The following G6PC2 variants were observed in gnomAD, a reference collection of about 807,000 sequenced individuals.
G6PC2 encodes the protein glucose-6-phosphatase catalytic subunit 2, also known as glucose-6-phosphatase 2.
A neutral mutation model predicts 35.4 loss-of-function variants in G6PC2; 41 were observed. The observed-to-expected ratio is 1.16, with a 90% CI of 0.90 to 1.50. The LOEUF (loss-of-function observed/expected upper bound fraction) is 1.50, where lower values mean the gene tolerates loss of function less well. Among genes scored for constraint, G6PC2 ranks in the 40% most tolerant of loss-of-function variants. G6PC2 has a pLI of 0.00. For synonymous variants in G6PC2, 165 were observed against 153.2 expected, an observed-to-expected ratio of 1.08 and a Z score of -0.57; for missense variants, 441 against 426.5, an observed-to-expected ratio of 1.03 and a Z score of -0.30.
intron 1 of G6PC2, 74 bp from the exon 2 acceptor site, chr2:168,902,371 G>A (rs1240352743): frequency 2.7e-6 from 2 of 747,892 alleles, no homozygotes; most frequent in East Asian, 5.3e-5. Context: ...TTATAGGAAA[G>A]AATTGCTAAT....
intron 2 of G6PC2, chr2:168,902,900 G>C (rs1157335824): frequency 6.2e-6 from 2 of 323,352 alleles, no homozygotes; most frequent in East Asian, 7.8e-5. Context: ...AGAAATGTTG[G>C]TTAATCTGCT....
At chr2:168,902,719 C>CAA (rs59340389) in intron 2 of G6PC2, among the ~76,000 whole-genome samples, 165 bp downstream of exon 2, 1 of 151,092 alleles carries the variant, frequency 6.6e-6, no homozygotes. Flanking sequence ...GGAAGCAAAG[C>CAA]AAAAAAAATA....
rs941915683 is a variant in G6PC2 at position 168,908,593 on chromosome 2, A to C, written c.*514A>C. On this transcript the variant is annotated 3_prime_UTR_variant, in exon 5 of 5. Coordinates refer to ENST00000375363, the MANE Select transcript of G6PC2 (RefSeq NM_021176.3). Reference sequence around the variant, plus strand: ...TATTTAGGTAAAAGAACTTGCCTGGAGTCACGCCACCTTCAGAGCAGGAAT... The same window carrying C: ...TATTTAGGTAAAAGAACTTGCCTGGCGTCACGCCACCTTCAGAGCAGGAAT... The C allele has an allele frequency of 5.1e-6, 1 of 196,292 alleles. No individual in the cohort carries two copies. 12.2% of individuals were successfully genotyped at this position (196,292 alleles called of 1,614,324 possible).
At chr2:168,904,392 G>C in intron 2 of G6PC2, 113 bp from the exon 3 acceptor site, 2 of 775,384 alleles carry the variant, frequency 2.6e-6, no homozygotes, top group South Asian at 2.7e-5. Context: ...CCTGTGTCTT[G>C]TCTTTTTTTC....
In G6PC2 at chr2:168,902,486, C is replaced by T; in HGVS notation, c.260C>T (p.Thr87Ile). Reference protein sequence around the residue: ...GHRPYWWVQETQIYPNHSSPC... With the variant: ...GHRPYWWVQEIQIYPNHSSPC... ...CGACCTTACTGGTGGGTCCAAGAAA[C>T]TCAGATTTACCCAAATCACTCAAGT... Residue 87 changes from threonine to isoleucine, a missense_variant, in exon 2 of 5, where the codon ACT (threonine) becomes ATT (isoleucine). By Grantham distance (89) the Thr-to-Ile change is moderately conservative. Transcript: ENST00000375363. 1 of 1,582,662 alleles carries T rather than the reference C, an allele frequency of 6.3e-7. No homozygotes were observed. Among genetic ancestry groups the T allele is most frequent in the East Asian group, 2.2e-5 (1 of 44,710 alleles).
At position 168,909,536 on chromosome 2, in the gene G6PC2, A is replaced by G. The variant is rs995358783; in HGVS notation, c.*1457A>G. 6.6e-6 allele frequency: 1 copy of G among 152,180 alleles called. No individual in the cohort carries two copies. The highest frequency in any genetic ancestry group is 1.5e-5 in the Non-Finnish European group (1 of 68,044). The allele number at this position is 152,180 out of a possible 1,614,324, so 9.4% of individuals were successfully genotyped here. A position where few individuals can be genotyped will look rare whatever the true frequency, so the allele number is the denominator to read the frequency against. On this transcript the variant is annotated 3_prime_UTR_variant, in exon 5 of 5. Coordinates refer to ENST00000375363, the MANE Select transcript of G6PC2 (RefSeq NM_021176.3). ...GTATACTGAACTGTGATGAAAATCT[A>G]TAGCTTTGTTTTAGAAAATTATTGT...
In G6PC2 at chr2:168,907,633, C is replaced by T. The variant is rs112063031; in HGVS notation, c.622C>T (p.Leu208=). 6.8e-6 allele frequency: 11 copies of T among 1,613,696 alleles called. No individual in the cohort carries two copies. The African/African-American group carries it at 1.5e-4, about 22-fold the overall frequency. Residue 208 remains leucine (L), a synonymous_variant, in exon 5 of 5, where the codon CTG becomes TTG. Transcript: ENST00000375363. ...CCAAACGGCCAGTCTGGGCACATACCTGAAGACCAACCTCTTTCTCTTCCT... is the reference window on the plus strand; with the variant it reads ...CCAAACGGCCAGTCTGGGCACATACTTGAAGACCAACCTCTTTCTCTTCCT... ...GIQTASLGTY[L]KTNLFLFLFA... is the part of the protein sequence containing the mutation.
chr2:168,902,984 G>GT (rs1690631770), intron 2 of G6PC2: 2 of 232,204 alleles, frequency 8.6e-6, no homozygotes, highest in Non-Finnish European at 1.7e-5. Flanking sequence ...CAAGTCTTCT[G>GT]TAAGAAAGGT....
chr2:168,904,167 C>G (rs1690658945), intron 2 of G6PC2, among the ~76,000 whole-genome samples: 1 of 152,020 alleles, frequency 6.6e-6, no homozygotes, highest in African/African-American at 2.4e-5. Flanking sequence ...AATACTTTTG[C>G]TTGTCAATTA....
chr2:168,901,385 C>A lies in G6PC2; in HGVS notation c.54C>A (p.Asp18Glu), dbSNP rs759777262. ...GVLIIQHLQKDYRAYYTFLNF... is the reference protein window; with the variant it reads ...GVLIIQHLQKEYRAYYTFLNF... ...TCATAATTCAGCATTTGCAGAAGGACTACCGAGCTTACTACACTTTTCTAA... is the reference window on the plus strand; with the variant it reads ...TCATAATTCAGCATTTGCAGAAGGAATACCGAGCTTACTACACTTTTCTAA... The change falls in exon 1 of 5, where the codon GAC (aspartate) becomes GAA (glutamate). Residue 18 changes from aspartate to glutamate, a missense_variant. Physicochemically the swap from Asp to Glu is conservative, Grantham distance 45. Transcript: ENST00000375363. 4 of 1,606,084 alleles carry A rather than the reference C, an allele frequency of 2.5e-6. No individual in the cohort carries two copies. The highest frequency in any genetic ancestry group is 3.4e-6 in the Non-Finnish European group (4 of 1,172,674).
chr2:168,908,251 T>C lies in G6PC2; in HGVS notation c.*172T>C. ...TGGCCTTCGCACTGGTCTTTTTTTT[T>C]AATCCTTCAGTTACCAATATTTAGA... On this transcript the variant is annotated 3_prime_UTR_variant, in exon 5 of 5. Coordinates refer to ENST00000375363, the MANE Select transcript of G6PC2 (RefSeq NM_021176.3). 1.6e-6 allele frequency: 1 copy of C among 624,122 alleles called. No individual in the cohort carries two copies. Among genetic ancestry groups the C allele is most frequent in the Non-Finnish European group, 2.8e-6 (1 of 352,582 alleles). 38.7% of individuals were successfully genotyped at this position (624,122 alleles called of 1,614,324 possible).
rs776320333 is a variant in G6PC2 at position 168,908,005 on chromosome 2, C to T, written c.994C>T (p.Pro332Ser). The T allele has an allele frequency of 6.2e-7, 1 of 1,611,856 alleles. No homozygotes were observed. The highest frequency in any genetic ancestry group is 8.5e-7 in the Non-Finnish European group (1 of 1,178,032). ...GTCTTTTTGTAAAAGTGCATCCATT[C>T]CCCTAACTGTGGTTGCTTTCATTCC... is the stretch of plus-strand genomic sequence containing the variant. ...VLSFCKSASI[P>S]LTVVAFIPYS... Residue 332 changes from proline to serine, a missense_variant, in exon 5 of 5, where the codon CCC (proline) becomes TCC (serine). Pro to Ser is a moderately conservative substitution (Grantham distance 74, BLOSUM62 -1). Transcript: ENST00000375363.
intron 3 of G6PC2, among the ~76,000 whole-genome samples, chr2:168,905,352 C>T (rs1046167089): frequency 1.1e-4 from 16 of 152,034 alleles, no homozygotes; most frequent in Admixed American, 4.6e-4. Flanking sequence ...TAAAAAAATA[C>T]TGTAACATAT....
chr2:168,904,937 A>G (rs1690675795), intron 3 of G6PC2, among the ~76,000 whole-genome samples: 3 of 152,200 alleles, frequency 2.0e-5, no homozygotes, highest in Admixed American at 2.0e-4. Context: ...TATACAGCAT[A>G]AGGAAACATT....
At chr2:168,906,490 T>C (rs534435353) in intron 3 of G6PC2, among the ~76,000 whole-genome samples, 174 bp from the exon 4 acceptor site, 1 of 152,328 alleles carries the variant, frequency 6.6e-6, no homozygotes, top group East Asian at 1.9e-4. Context: ...TTAAAACTTC[T>C]CAAATCCTAT....
At chr2:168,904,699 C>A in intron 3 of G6PC2, 83 bp downstream of exon 3, 1 of 794,786 alleles carries the variant, frequency 1.3e-6, no homozygotes, top group Non-Finnish European at 2.3e-6. Flanking sequence ...AATTTTAGTG[C>A]AGTTTTAGTC....
rs768801451 is a variant in G6PC2, at chr2:168,907,723, A to G, written c.712A>G (p.Ile238Val). 4 of 1,614,166 alleles carry G rather than the reference A, an allele frequency of 2.5e-6. No individual in the cohort carries two copies. Among genetic ancestry groups the G allele is most frequent in the Admixed American group, 1.7e-5 (1 of 60,024 alleles). ...CATTGACCTGCTGTGGTCCGTGCCC[A>G]TAGCCAAAAAGTGGTGTGCTAACCC... is the stretch of plus-strand genomic sequence containing the variant. ...LNIDLLWSVPIAKKWCANPDW... is the reference protein window; with the variant it reads ...LNIDLLWSVPVAKKWCANPDW... The change falls in exon 5 of 5, where the codon ATA becomes GTA. Residue 238 changes from isoleucine (I) to valine (V), a missense_variant. By Grantham distance (29) the Ile-to-Val change is conservative (BLOSUM62 3). Coordinates refer to ENST00000375363, the MANE Select transcript of G6PC2 (RefSeq NM_021176.3).
Position 168,901,550 on chromosome 2 carries a change from G to C in G6PC2, c.218+1G>C. ...ATTGGTTAAATCTTATATTTAAATG[G>C]TAAGATTTCTGTTTTATTTCATTTT... On this transcript the variant is annotated splice_donor_variant, in intron 1 of 4. Transcript: ENST00000375363. LOFTEE classifies it high-confidence loss of function. 2.1e-6 allele frequency: 3 copies of C among 1,398,044 alleles called. No individual in the cohort carries two copies. Among genetic ancestry groups the C allele is most frequent in the Non-Finnish European group, 2.0e-6 (2 of 984,532 alleles). 86.6% of individuals were successfully genotyped at this position (1,398,044 alleles called of 1,614,324 possible).
In G6PC2 at chr2:168,908,397, C is replaced by T. The variant is rs1455537065; in HGVS notation, c.*318C>T. On this transcript the variant is annotated 3_prime_UTR_variant, in exon 5 of 5. Transcript: ENST00000375363. ...CTGACCAGAGCTGCATACTAACAGT[C>T]CCCAGTAGGAGGCAAGGACTCCATT... is the stretch of plus-strand genomic sequence containing the variant. 7.2e-6 allele frequency: 3 copies of T among 416,134 alleles called. No homozygotes were observed. Among genetic ancestry groups the T allele is most frequent in the South Asian group, 2.6e-5 (1 of 39,094 alleles). The allele number at this position is 416,134 out of a possible 1,614,324, so 25.8% of individuals were successfully genotyped here. A position where few individuals can be genotyped will look rare whatever the true frequency, so the allele number is the denominator to read the frequency against.
Sources: gnomAD v4.1 joint callset for allele counts (sites outside exome capture counted in the v4.1 genomes callset) on GRCh38, gnomAD v4.1.1 for gene constraint, MANE v1.5 for transcripts, NCBI Gene and HGNC (gene_info 2026-07-23, HGNC 2026-07-21) for gene names.